Variants in GPR174 observed in about 807,000 individuals in gnomAD.
The protein encoded by GPR174 is G protein-coupled receptor 174, also known as probable G protein-coupled receptor 174.
A neutral mutation model predicts 16.5 loss-of-function variants in GPR174; 8 were observed. The ratio of observed to expected loss-of-function variants is 0.48; its 90% confidence interval spans 0.28 to 0.87. GPR174 has a LOEUF of 0.87. Ranked by LOEUF, GPR174 falls within the 40% of genes least tolerant of loss-of-function variation. The pLI, the probability that GPR174 is intolerant of heterozygous loss-of-function variation, is 0.09. For missense variants in GPR174, 214 were observed against 247.5 expected (o/e 0.86, Z 0.91); for synonymous variants, 111 against 94.8 (o/e 1.17, Z -0.99).
chrX:79,161,750 A>G (rs928722317), intron 2 of GPR174, among the ~76,000 whole-genome samples: 13 of 112,005 alleles, frequency 1.2e-4, no homozygotes, highest in African/African-American at 4.2e-4. Context: ...GTGTCTGTTC[A>G]ACATATTTTT....
intron 2 of GPR174, among the ~76,000 whole-genome samples, chrX:79,158,944 A>T (rs770853045): frequency 1.9e-4 from 21 of 109,635 alleles, no homozygotes; most frequent in Admixed American, 1.2e-3. Context: ...TGGAAACTCC[A>T]TTCTCCATGA....
intron 2 of GPR174, among the ~76,000 whole-genome samples, chrX:79,157,612 T>C (rs747359379): frequency 3.6e-5 from 4 of 112,190 alleles, no homozygotes; most frequent in Non-Finnish European, 5.6e-5. Flanking sequence ...GTGATGCTGT[T>C]TGTGGAAAAG....
At chrX:79,159,613 C>T (rs927750246) in intron 2 of GPR174, among the ~76,000 whole-genome samples, 10 of 111,802 alleles carry the variant, frequency 8.9e-5, no homozygotes, top group Admixed American at 7.6e-4. Context: ...TGCCCAAAGC[C>T]TCACAGCTAA....
At chrX:79,147,306 G>A (rs1926519182) in intron 1 of GPR174, among the ~76,000 whole-genome samples, 1 of 109,931 alleles carries the variant, frequency 9.1e-6, no homozygotes, top group South Asian at 3.9e-4. Flanking sequence ...CTGACTATCA[G>A]GGTTTGTGGA....
At chrX:79,150,884 G>A (rs998180283) in intron 1 of GPR174, among the ~76,000 whole-genome samples, 28 of 110,774 alleles carry the variant, frequency 2.5e-4, no homozygotes, top group Admixed American at 1.9e-4. Context: ...ATATGATTTC[G>A]GATTTTGGAC....
At position 79,172,271 on chromosome X, in the gene GPR174, A is replaced by G. The variant is rs981595425; in HGVS notation, c.*262A>G. The G allele has an allele frequency of 3.1e-6, 1 of 327,181 alleles. No homozygotes were observed. Among genetic ancestry groups the G allele is most frequent in the African/African-American group, 2.6e-5 (1 of 37,759 alleles). 27.0% of individuals were successfully genotyped at this position (327,181 alleles called of 1,213,427 possible). A position where few individuals can be genotyped will look rare whatever the true frequency, so the allele number is the denominator to read the frequency against. On this transcript the variant is annotated 3_prime_UTR_variant, in exon 3 of 3. Transcript: ENST00000645147. ...ATCAAATTTCTGTGACATCCTATAA[A>G]CATATGCACTCAACTGTAGTCAGTA...
chrX:79,171,007 C>A lies in GPR174; in HGVS notation c.-1C>A. The A allele has an allele frequency of 8.4e-7, 1 of 1,183,748 alleles. No homozygotes were observed. The highest frequency in any genetic ancestry group is 1.1e-6 in the Non-Finnish European group (1 of 880,985). On this transcript the variant is annotated 5_prime_UTR_variant, in exon 3 of 3. Transcript: ENST00000645147. Reference sequence around the variant, plus strand: ...CAAAGATAGTTTCTCTAGAGAGAATCATGCCTGCTAATTACACGTGTACCA... The same window carrying A: ...CAAAGATAGTTTCTCTAGAGAGAATAATGCCTGCTAATTACACGTGTACCA...
chrX:79,167,834 C>T (rs1433499378), intron 2 of GPR174, among the ~76,000 whole-genome samples: 2 of 112,247 alleles, frequency 1.8e-5, no homozygotes, highest in African/African-American at 3.2e-5. Flanking sequence ...TCTGTCTACA[C>T]ATATGTGTTT....
intron 2 of GPR174, among the ~76,000 whole-genome samples, chrX:79,170,074 C>T (rs181185695): frequency 2.3e-3 from 252 of 111,844 alleles, no homozygotes; most frequent in Non-Finnish European, 4.0e-3. Flanking sequence ...TTCAGACAAT[C>T]AGTAATGTTA....
intron 1 of GPR174, among the ~76,000 whole-genome samples, chrX:79,152,433 A>T (rs1926620501): frequency 9.0e-6 from 1 of 111,730 alleles, no homozygotes; most frequent in Non-Finnish European, 1.9e-5. Context: ...CGCATACTTA[A>T]GTTCAGGAGC....
intron 1 of GPR174, among the ~76,000 whole-genome samples, chrX:79,153,415 A>G (rs769608806): frequency 8.9e-6 from 1 of 111,918 alleles, no homozygotes; most frequent in Non-Finnish European, 1.9e-5. Context: ...GAAATGGGCC[A>G]AAGAGTAAAA....
intron 2 of GPR174, among the ~76,000 whole-genome samples, chrX:79,165,608 C>A (rs111950883): frequency 9.0e-6 from 1 of 111,114 alleles, no homozygotes; most frequent in Non-Finnish European, 1.9e-5. Context: ...TAAGGATTTT[C>A]GGTCCCTTAA....
intron 2 of GPR174, among the ~76,000 whole-genome samples, chrX:79,157,273 A>G (rs1395461591): frequency 1.8e-5 from 2 of 111,907 alleles, no homozygotes; most frequent in African/African-American, 3.3e-5. Flanking sequence ...ATTCATTTCA[A>G]TTTCAAAAAT....
At chrX:79,167,474 C>A (rs912907237) in intron 2 of GPR174, among the ~76,000 whole-genome samples, 10 of 108,598 alleles carry the variant, frequency 9.2e-5, no homozygotes, top group Non-Finnish European at 1.9e-4. Flanking sequence ...TTTTTTTTTC[C>A]AGTGGGTGGT....
At chrX:79,160,504 A>T in intron 2 of GPR174, among the ~76,000 whole-genome samples, 1 of 111,990 alleles carries the variant, frequency 8.9e-6, no homozygotes, top group Non-Finnish European at 1.9e-5. Context: ...CTCACTTATG[A>T]AATATAGAAA....
At chrX:79,147,855 A>G (rs185384810) in intron 1 of GPR174, among the ~76,000 whole-genome samples, 1 of 112,006 alleles carries the variant, frequency 8.9e-6, no homozygotes, top group Non-Finnish European at 1.9e-5. Context: ...AATGTTTGTC[A>G]TATAACCGAG....
At chrX:79,154,417 C>T (rs1367038255) in intron 1 of GPR174, among the ~76,000 whole-genome samples, 1 of 111,439 alleles carries the variant, frequency 9.0e-6, no homozygotes, top group Non-Finnish European at 1.9e-5. Context: ...TAGAAACACT[C>T]GCTATAAGGG....
rs1272095539 is a variant in GPR174 at position 79,170,481 on chromosome X, T to C, written c.-527T>C. On this transcript the variant is annotated 5_prime_UTR_variant, in exon 3 of 3. Coordinates refer to ENST00000645147, the MANE Select transcript of GPR174 (RefSeq NM_032553.3). ...GCCTTTGTTTCCTACTTTTTAGCTT[T>C]TGACCTATAGCTGAAAAAGTCCCAG... The C allele has an allele frequency of 1.8e-5, 2 of 110,673 alleles. No individual in the cohort carries two copies. The highest frequency in any genetic ancestry group is 3.8e-5 in the Non-Finnish European group (2 of 52,926). The allele number at this position is 110,673 out of a possible 1,213,427, so 9.1% of individuals were successfully genotyped here.
At chrX:79,167,963 A>T (rs1160408164) in intron 2 of GPR174, among the ~76,000 whole-genome samples, 1 of 112,015 alleles carries the variant, frequency 8.9e-6, no homozygotes, top group Non-Finnish European at 1.9e-5. Context: ...TTATTTATTT[A>T]AAAAAAGTGA....
Sources: gnomAD v4.1 joint callset for allele counts (sites outside exome capture counted in the v4.1 genomes callset) on GRCh38, gnomAD v4.1.1 for gene constraint, MANE v1.5 for transcripts, NCBI Gene and HGNC (gene_info 2026-07-23, HGNC 2026-07-21) for gene names.